The following TMEM200A variants were observed in gnomAD, a reference collection of about 807,000 sequenced individuals.
The protein encoded by TMEM200A is transmembrane protein 200A.
In TMEM200A, 12 loss-of-function variants were observed where a neutral mutation model predicts 24.3. The observed-to-expected ratio is 0.49, with a 90% CI of 0.32 to 0.80. The LOEUF is 0.80. TMEM200A is among the 30% of genes least tolerant of loss of function. The pLI is 0.04. For synonymous variants in TMEM200A, 224 were observed against 224.4 expected (o/e 1.00, Z 0.02); for missense variants, 545 against 614.4 (o/e 0.89, Z 1.19).
chr6:130,370,810 G>T (rs1179973005), intron 1 of TMEM200A, among the ~76,000 whole-genome samples: 2 of 152,028 alleles, frequency 1.3e-5, no homozygotes, highest in Admixed American at 6.5e-5. Context: ...CAGAGATTTT[G>T]TTTCCAAAAG....
At chr6:130,371,855 A>T (rs764210812) in intron 1 of TMEM200A, among the ~76,000 whole-genome samples, 1 of 152,294 alleles carries the variant, frequency 6.6e-6, no homozygotes, top group Non-Finnish European at 1.5e-5. Flanking sequence ...GTGTAAGTTG[A>T]TAAGAATATG....
intron 2 of TMEM200A, among the ~76,000 whole-genome samples, chr6:130,391,542 A>G (rs914053323): frequency 6.6e-6 from 1 of 152,056 alleles, no homozygotes; most frequent in African/African-American, 2.4e-5. Flanking sequence ...AGCAATTCCC[A>G]TACCCAGGCT....
intron 1 of TMEM200A, among the ~76,000 whole-genome samples, chr6:130,383,616 CTTTTA>C (rs1778650704): frequency 6.6e-6 from 1 of 152,050 alleles, no homozygotes; most frequent in Non-Finnish European, 1.5e-5. Flanking sequence ...TTTTAGTTTC[CTTTTA>C]ATTTTTAGTG....
At chr6:130,423,998 G>A (rs1779665630) in intron 2 of TMEM200A, among the ~76,000 whole-genome samples, 1 of 152,134 alleles carries the variant, frequency 6.6e-6, no homozygotes, top group Non-Finnish European at 1.5e-5. Context: ...AGGGCACTGT[G>A]CTATGCAATT....
chr6:130,440,509 C>T lies in TMEM200A; in HGVS notation c.87C>T (p.Ser29=), dbSNP rs765112500. Residue 29 remains serine, a synonymous_variant, in exon 3 of 3, where the codon AGC becomes AGT. Transcript: ENST00000296978. ...SARSQQHVNL[S]PSPATQEKKP... is the part of the protein sequence containing the mutation. ...GATCACAGCAGCATGTCAACCTCAGCCCGTCTCCTGCTACCCAAGAGAAGA... is the reference window on the plus strand; with the variant it reads ...GATCACAGCAGCATGTCAACCTCAGTCCGTCTCCTGCTACCCAAGAGAAGA... The T allele has an allele frequency of 1.2e-6, 2 of 1,614,064 alleles. No individual in the cohort carries two copies. The highest frequency in any genetic ancestry group is 2.2e-5 in the South Asian group (2 of 91,074).
chr6:130,412,980 T>C (rs1345377005), intron 2 of TMEM200A, among the ~76,000 whole-genome samples: 1 of 152,222 alleles, frequency 6.6e-6, no homozygotes, highest in Non-Finnish European at 1.5e-5. Flanking sequence ...ATTTATAACA[T>C]ATCTTCTGTA....
chr6:130,392,008 G>T (rs1021176909), intron 2 of TMEM200A, among the ~76,000 whole-genome samples: 1 of 152,260 alleles, frequency 6.6e-6, no homozygotes, highest in Non-Finnish European at 1.5e-5. Context: ...CTCCCAAAGT[G>T]CTGGGATTAC....
At chr6:130,387,962 G>A (rs73611682) in intron 2 of TMEM200A, among the ~76,000 whole-genome samples, 8,946 of 152,216 alleles carry the variant, frequency 0.059, 881 homozygotes, top group African/African-American at 0.2. Flanking sequence ...GAATTGATTT[G>A]CGGTTAGTTT....
At chr6:130,380,916 A>G (rs762532717) in intron 1 of TMEM200A, among the ~76,000 whole-genome samples, 1 of 152,188 alleles carries the variant, frequency 6.6e-6, no homozygotes, top group Non-Finnish European at 1.5e-5. Flanking sequence ...GAGCCCAGGA[A>G]TTCAAGGCTG....
At chr6:130,417,273 A>T (rs1419333430) in intron 2 of TMEM200A, among the ~76,000 whole-genome samples, 1 of 152,200 alleles carries the variant, frequency 6.6e-6, no homozygotes, top group Non-Finnish European at 1.5e-5. Context: ...TGAGTGTATG[A>T]AAGACTGATT....
chr6:130,400,825 C>G (rs1779067559), intron 2 of TMEM200A, among the ~76,000 whole-genome samples: 1 of 152,060 alleles, frequency 6.6e-6, no homozygotes, highest in Non-Finnish European at 1.5e-5. Flanking sequence ...GTCCGGGGCA[C>G]AGACTCTATT....
intron 2 of TMEM200A, among the ~76,000 whole-genome samples, chr6:130,434,970 A>G (rs952737767): frequency 6.6e-6 from 1 of 152,054 alleles, no homozygotes; most frequent in Non-Finnish European, 1.5e-5. Context: ...AAAGTAAAAG[A>G]AGGTGTGTTT....
intron 2 of TMEM200A, among the ~76,000 whole-genome samples, chr6:130,433,266 A>T (rs1251564640): frequency 1.3e-4 from 19 of 151,376 alleles, no homozygotes; most frequent in African/African-American, 4.6e-4. Context: ...CCTCCTGAGT[A>T]GCTGGGATTA....
chr6:130,439,082 G>C (rs1018357005), intron 2 of TMEM200A: 12 of 152,318 alleles, frequency 7.9e-5, no homozygotes, highest in African/African-American at 2.9e-4. Context: ...AGAAGAGTTA[G>C]AGACAAAGTT....
chr6:130,407,684 G>C (rs948473564), intron 2 of TMEM200A, among the ~76,000 whole-genome samples: 1 of 152,184 alleles, frequency 6.6e-6, no homozygotes, highest in Admixed American at 6.5e-5. Flanking sequence ...AAGAAGCTCC[G>C]AGGTGCCTCT....
At chr6:130,367,396 A>G (rs1778206746) in intron 1 of TMEM200A, among the ~76,000 whole-genome samples, 1 of 152,248 alleles carries the variant, frequency 6.6e-6, no homozygotes, top group Non-Finnish European at 1.5e-5. Context: ...TCTTGTTTAT[A>G]AGAAAGAATA....
chr6:130,404,808 G>A (rs2115142986), intron 2 of TMEM200A, among the ~76,000 whole-genome samples: 1 of 152,162 alleles, frequency 6.6e-6, no homozygotes, highest in Middle Eastern at 3.4e-3. Flanking sequence ...TTACATTTAA[G>A]TCTTTAATCC....
At chr6:130,379,449 C>T (rs1239370114) in intron 1 of TMEM200A, among the ~76,000 whole-genome samples, 1 of 150,458 alleles carries the variant, frequency 6.6e-6, no homozygotes, top group Non-Finnish European at 1.5e-5. Context: ...TAAGCATATT[C>T]AATAGGCCAT....
At position 130,369,484 on chromosome 6, in the gene TMEM200A, C is replaced by T. The variant is rs144881249; in HGVS notation, c.-81+2960C>T. On this transcript the variant is annotated intron_variant, in intron 1 of 2. Coordinates refer to ENST00000296978, the MANE Select transcript of TMEM200A (RefSeq NM_001258277.2). The stretch of plus-strand genomic sequence containing the variant: ...TCTGGAACACAGAAGTCTCCAATTA[C>T]GAGCTCAAGACTTCCTGAAATGCCT... Among the ~76,000 whole-genome samples, 146 of 152,266 alleles carry T rather than the reference C, an allele frequency of 9.6e-4. 1 individual carries two copies. Among genetic ancestry groups the T allele is most frequent in the African/African-American group, 1.5e-3 (64 of 41,548 alleles).
Sources: gnomAD v4.1 joint callset for allele counts (sites outside exome capture counted in the v4.1 genomes callset) on GRCh38, gnomAD v4.1.1 for gene constraint, MANE v1.5 for transcripts, NCBI Gene and HGNC (gene_info 2026-07-23, HGNC 2026-07-21) for gene names.